The following ARHGAP42 variants were observed in gnomAD, a reference collection of about 807,000 sequenced individuals.
ARHGAP42 encodes the protein Rho GTPase activating protein 42, also known as rho GTPase-activating protein 42.
In ARHGAP42, 63 loss-of-function variants were observed where a neutral mutation model predicts 125.0. The ratio of observed to expected loss-of-function variants is 0.50; its 90% CI spans 0.41 to 0.62. The LOEUF (loss-of-function observed/expected upper bound fraction) is 0.62. Ranked by LOEUF, ARHGAP42 falls within the 20% of genes least tolerant of loss-of-function variation. The pLI is 0.00. For missense variants in ARHGAP42, 766 were observed against 1,024.2 expected (o/e 0.75, Z 3.44); for synonymous variants, 339 against 351.0 (o/e 0.97, Z 0.38).
At chr11:100,874,529 G>T (rs1438032852) in intron 4 of ARHGAP42, among the ~76,000 whole-genome samples, 1 of 152,196 alleles carries the variant, frequency 6.6e-6, no homozygotes, top group African/African-American at 2.4e-5. Context: ...AAAGGTCTTT[G>T]ACTGTAAGCT....
At position 100,976,900 on chromosome 11, in the gene ARHGAP42, G is replaced by C; in HGVS notation, c.2322G>C (p.Leu774=). The stretch of plus-strand genomic sequence containing the variant: ...CCAAAGCTTCACCAAACCCAGACCT[G>C]CCTCCGAAAATGTGCAGGAGATTAA... The part of the protein sequence containing the change: ...ETPKASPNPD[L]PPKMCRRLRL... The change falls in exon 21 of 24, where the codon CTG becomes CTC. Residue 774 remains leucine, a synonymous_variant. Coordinates refer to ENST00000298815, the MANE Select transcript of ARHGAP42 (RefSeq NM_152432.4). The C allele has an allele frequency of 6.4e-7, 1 of 1,551,526 alleles. No individual in the cohort carries two copies.
intron 3 of ARHGAP42, among the ~76,000 whole-genome samples, chr11:100,842,467 C>G (rs1302580039): frequency 6.6e-6 from 1 of 152,172 alleles, no homozygotes; most frequent in Non-Finnish European, 1.5e-5. Flanking sequence ...CTTACATTTT[C>G]TCGGACAATT....
chr11:100,832,334 A>G (rs1159481940), intron 3 of ARHGAP42, among the ~76,000 whole-genome samples: 1 of 152,228 alleles, frequency 6.6e-6, no homozygotes, highest in African/African-American at 2.4e-5. Context: ...CAGAGCAGAG[A>G]CATGCAAAGA....
intron 1 of ARHGAP42, among the ~76,000 whole-genome samples, chr11:100,710,310 C>T (rs1861539876): frequency 6.6e-6 from 1 of 151,764 alleles, no homozygotes; most frequent in South Asian, 2.1e-4. Context: ...TCACTGTAAT[C>T]TCCACCTCCC....
intron 11 of ARHGAP42, 73 bp from the exon 12 acceptor site, chr11:100,949,844 A>G (rs1277017063): frequency 2.9e-5 from 29 of 984,264 alleles, no homozygotes; most frequent in Non-Finnish European, 4.2e-5. Flanking sequence ...ATTAGTGTAC[A>G]GATATCACCT....
chr11:100,747,933 A>G (rs967452341), intron 1 of ARHGAP42, among the ~76,000 whole-genome samples: 14 of 152,088 alleles, frequency 9.2e-5, no homozygotes, highest in African/African-American at 3.4e-4. Flanking sequence ...TTATTTTAGG[A>G]CAAGAATTTA....
chr11:100,769,434 T>C (rs530997189), intron 1 of ARHGAP42, among the ~76,000 whole-genome samples: 33 of 152,296 alleles, frequency 2.2e-4, no homozygotes, highest in Middle Eastern at 3.4e-3. Flanking sequence ...GCTTTTCTTT[T>C]TCAGCCCATA....
At chr11:100,945,880 T>G (rs1046438513) in intron 10 of ARHGAP42, among the ~76,000 whole-genome samples, 1 of 152,066 alleles carries the variant, frequency 6.6e-6, no homozygotes, top group Admixed American at 6.6e-5. Context: ...TACATTAACC[T>G]CTAACAAGAG....
intron 1 of ARHGAP42, among the ~76,000 whole-genome samples, chr11:100,742,314 A>T (rs1308546337): frequency 6.6e-6 from 1 of 152,010 alleles, no homozygotes; most frequent in Non-Finnish European, 1.5e-5. Flanking sequence ...TAGGGAGATG[A>T]TGCTGGGGTT....
rs1013329652 is a variant in ARHGAP42, at chr11:100,978,747, A to G, written c.2394-240A>G. On this transcript the variant is annotated intron_variant, in intron 21 of 23. Transcript: ENST00000298815. ...GTTTTCTGAGATAAAAAGGATGAGG[A>G]TAGTAAGATCCCCAGAGGAAGTAGC... 5.9e-5 allele frequency among the ~76,000 whole-genome samples: 9 copies of G among 152,260 alleles called. No individual in the cohort carries two copies. In the South Asian group the frequency reaches 1.9e-3, roughly 32 times the overall value.
intron 1 of ARHGAP42, among the ~76,000 whole-genome samples, chr11:100,725,130 A>G (rs1417410270): frequency 6.8e-6 from 1 of 147,978 alleles, no homozygotes; most frequent in African/African-American, 2.5e-5. Flanking sequence ...ATATAATTCT[A>G]TTTGCTCCCT....
chr11:100,866,450 T>A (rs1175695525), intron 4 of ARHGAP42, among the ~76,000 whole-genome samples: 2 of 152,210 alleles, frequency 1.3e-5, no homozygotes, highest in Non-Finnish European at 2.9e-5. Flanking sequence ...TCTATGACAA[T>A]GATAGCCTTA....
chr11:100,921,980 G>A (rs55745131), intron 6 of ARHGAP42, among the ~76,000 whole-genome samples: 44,097 of 150,616 alleles, frequency 0.29, 7,533 homozygotes, highest in East Asian at 0.75. Flanking sequence ...GGCGGGAGGG[G>A]GGTGCAGAGG....
At chr11:100,814,963 C>T (rs12417529) in intron 3 of ARHGAP42, among the ~76,000 whole-genome samples, 73,225 of 152,028 alleles carry the variant, frequency 0.48, 18,507 homozygotes, top group South Asian at 0.62. Flanking sequence ...GTTCATTCTT[C>T]AGGCCTCAGT....
chr11:100,856,597 G>C (rs1266926267), intron 3 of ARHGAP42, among the ~76,000 whole-genome samples: 1 of 152,050 alleles, frequency 6.6e-6, no homozygotes, highest in Non-Finnish European at 1.5e-5. Context: ...ATTTTTCAGA[G>C]GTAGAGCCAG....
chr11:100,701,398 C>A (rs915072918), intron 1 of ARHGAP42, among the ~76,000 whole-genome samples: 1 of 152,216 alleles, frequency 6.6e-6, no homozygotes, highest in Non-Finnish European at 1.5e-5. Flanking sequence ...GACTTCTCCT[C>A]TGTAGCTATG....
At chr11:100,947,719 T>C (rs1565289454) in intron 10 of ARHGAP42, among the ~76,000 whole-genome samples, 1 of 151,884 alleles carries the variant, frequency 6.6e-6, no homozygotes, top group African/African-American at 2.4e-5. Context: ...TCATTCCAGG[T>C]TTTTAATTAT....
At chr11:100,770,551 A>G (rs541174800) in intron 2 of ARHGAP42, 113 bp downstream of exon 2, 29 of 808,150 alleles carry the variant, frequency 3.6e-5, no homozygotes, top group Middle Eastern at 2.6e-4. Flanking sequence ...TGACAATACT[A>G]TAAGAGTGAT....
chr11:100,895,398 G>A (rs1866326736), intron 4 of ARHGAP42, among the ~76,000 whole-genome samples: 1 of 151,934 alleles, frequency 6.6e-6, no homozygotes, highest in Non-Finnish European at 1.5e-5. Flanking sequence ...CTTTATCCTG[G>A]GGAGTCCTAC....
Sources: allele counts gnomAD v4.1 joint callset (sites outside exome capture counted in the v4.1 genomes callset), GRCh38; gene constraint gnomAD v4.1.1; transcripts MANE v1.5; gene names NCBI Gene and HGNC (gene_info 2026-07-23, HGNC 2026-07-21).